The following NFE2L2 variants were observed in gnomAD, a reference collection of about 807,000 sequenced individuals.
NFE2L2 encodes the protein nuclear factor erythroid 2-related factor 2.
In NFE2L2, 20 loss-of-function variants were observed where a neutral mutation model predicts 49.6. The observed-to-expected ratio is 0.40, with a 90% CI of 0.28 to 0.59. The LOEUF is 0.59. Ranked by LOEUF, NFE2L2 falls within the 20% of genes least tolerant of loss-of-function variation. The pLI is 0.40. For synonymous variants in NFE2L2, 244 were observed against 256.5 expected (o/e 0.95, Z 0.47); for missense variants, 578 against 714.2 (o/e 0.81, Z 2.17).
intron 1 of NFE2L2, among the ~76,000 whole-genome samples, chr2:177,237,485 G>C (rs1689789813): frequency 6.6e-6 from 1 of 152,164 alleles, no homozygotes; most frequent in South Asian, 2.1e-4. Context: ...GTTATCATGG[G>C]AGACAGAAAA....
intron 1 of NFE2L2, among the ~76,000 whole-genome samples, chr2:177,246,235 G>A (rs1690123810): frequency 6.6e-6 from 1 of 152,134 alleles, no homozygotes; most frequent in Non-Finnish European, 1.5e-5. Flanking sequence ...TTGAAATCAG[G>A]ACAACTCCCT....
At chr2:177,262,508 A>G (rs1235403455) in intron 1 of NFE2L2, among the ~76,000 whole-genome samples, 1 of 152,260 alleles carries the variant, frequency 6.6e-6, no homozygotes, top group Non-Finnish European at 1.5e-5. Flanking sequence ...GACTCTGTTC[A>G]AATCTTTATG....
intron 1 of NFE2L2, among the ~76,000 whole-genome samples, chr2:177,239,301 C>G (rs1198031203): frequency 6.6e-6 from 1 of 152,114 alleles, no homozygotes; most frequent in African/African-American, 2.4e-5. Context: ...CTTCATTAGG[C>G]TGGGGGACAT....
intron 2 of NFE2L2, chr2:177,233,732 C>G: frequency 3.7e-6 from 2 of 547,612 alleles, no homozygotes; most frequent in South Asian, 4.7e-5. Context: ...GTTGCTGCTA[C>G]TTGATCCTTA....
chr2:177,254,638 C>T lies in NFE2L2; in HGVS notation c.45+9894G>A, dbSNP rs140110914. On this transcript the variant is annotated intron_variant, in intron 1 of 4. Transcript: ENST00000397062. Reference sequence around the variant, plus strand: ...ATGCGTCAACAGCGCCCCCACTGGTCCACATGGAAGGAACTCCTTAAGTAG... The same window carrying T: ...ATGCGTCAACAGCGCCCCCACTGGTTCACATGGAAGGAACTCCTTAAGTAG... Among the ~76,000 whole-genome samples the T allele has an allele frequency of 1.8e-3, 269 of 152,288 alleles. 6 individuals carry two copies. In the East Asian group the frequency reaches 0.037, roughly 21 times the overall value.
In NFE2L2 at chr2:177,233,282, C is replaced by T; in HGVS notation, c.370G>A (p.Ala124Thr). Residue 124 changes from alanine (A) to threonine (T), a missense_variant, in exon 3 of 5, where the codon GCG (alanine) becomes ACG (threonine). Ala to Thr is a moderately conservative substitution (Grantham distance 58, BLOSUM62 0). Transcript: ENST00000397062. Reference sequence around the variant, plus strand: ...TCATCTACAAACGGGAATGTCTGCGCCAAAAGCTGCATGCAGTCATCAAAG... The same window carrying T: ...TCATCTACAAACGGGAATGTCTGCGTCAAAAGCTGCATGCAGTCATCAAAG... ...LYFDDCMQLL[A>T]QTFPFVDDNE... is the part of the protein sequence containing the mutation. 1.2e-6 allele frequency: 2 copies of T among 1,601,700 alleles called. No homozygotes were observed. The highest frequency in any genetic ancestry group is 1.1e-5 in the South Asian group (1 of 88,302).
chr2:177,257,447 T>C (rs529783292), intron 1 of NFE2L2, among the ~76,000 whole-genome samples: 2 of 152,342 alleles, frequency 1.3e-5, no homozygotes, highest in Non-Finnish European at 2.9e-5. Context: ...TATATATATT[T>C]AGTGAGTTTC....
At chr2:177,232,288 C>T (rs1236921887) in intron 4 of NFE2L2, 104 bp downstream of exon 4, 2 of 1,167,250 alleles carry the variant, frequency 1.7e-6, no homozygotes, top group South Asian at 1.6e-5. Context: ...AAGTTAATAG[C>T]ACCCTCCAAT....
At chr2:177,252,836 T>G (rs1293565051) in intron 1 of NFE2L2, among the ~76,000 whole-genome samples, 2 of 151,906 alleles carry the variant, frequency 1.3e-5, no homozygotes, top group African/African-American at 2.4e-5. Context: ...GTCACAACAA[T>G]GCTCAGACCT....
At chr2:177,262,071 A>C (rs1191505938) in intron 1 of NFE2L2, among the ~76,000 whole-genome samples, 4 of 152,246 alleles carry the variant, frequency 2.6e-5, no homozygotes, top group Non-Finnish European at 4.4e-5. Flanking sequence ...AAAGATTTCA[A>C]AATGGCCCAA....
chr2:177,261,312 A>G (rs1232619661), intron 1 of NFE2L2, among the ~76,000 whole-genome samples: 1 of 152,100 alleles, frequency 6.6e-6, no homozygotes, highest in African/African-American at 2.4e-5. Flanking sequence ...AACAAGGTCC[A>G]CCTCCCCACG....
intron 1 of NFE2L2, among the ~76,000 whole-genome samples, chr2:177,246,064 C>A (rs1346595177): frequency 6.6e-6 from 1 of 152,208 alleles, no homozygotes; most frequent in Non-Finnish European, 1.5e-5. Context: ...GGTGTTCACA[C>A]CACAACAGAC....
chr2:177,251,494 C>T (rs1165069414), intron 1 of NFE2L2, among the ~76,000 whole-genome samples: 1 of 152,100 alleles, frequency 6.6e-6, no homozygotes, highest in Non-Finnish European at 1.5e-5. Flanking sequence ...ACAAGGAATC[C>T]AGCAGACAGG....
Position 177,258,633 on chromosome 2 carries a change from A to G in NFE2L2, c.45+5899T>C, listed in dbSNP as rs115138774. On this transcript the variant is annotated intron_variant, in intron 1 of 4. Coordinates refer to ENST00000397062, the MANE Select transcript of NFE2L2 (RefSeq NM_006164.5). ...TTGTATCTTACTTTAAAATACATATATATCTATAAATTCTATCTACTATAG... is the reference window on the plus strand; with the variant it reads ...TTGTATCTTACTTTAAAATACATATGTATCTATAAATTCTATCTACTATAG... 2.3e-3 allele frequency among the ~76,000 whole-genome samples: 351 copies of G among 152,336 alleles called. 3 individuals are homozygous for G. The highest frequency in any genetic ancestry group is 8.1e-3 in the African/African-American group (338 of 41,572).
At chr2:177,243,880 G>A (rs915021872) in intron 1 of NFE2L2, among the ~76,000 whole-genome samples, 2 of 151,998 alleles carry the variant, frequency 1.3e-5, no homozygotes, top group African/African-American at 4.8e-5. Flanking sequence ...AGGCTTGGGG[G>A]CTAAGTAAGT....
chr2:177,253,008 T>C (rs1416685007), intron 1 of NFE2L2, among the ~76,000 whole-genome samples: 1 of 152,324 alleles, frequency 6.6e-6, no homozygotes, highest in South Asian at 2.1e-4. Flanking sequence ...CTTGAAACAG[T>C]GCACATGAGC....
chr2:177,246,313 T>C (rs1269388407), intron 1 of NFE2L2, among the ~76,000 whole-genome samples: 3 of 152,234 alleles, frequency 2.0e-5, no homozygotes, highest in Non-Finnish European at 4.4e-5. Flanking sequence ...ATACTTTGTA[T>C]GTCTTACAGG....
chr2:177,244,529 G>A (rs1690056722), intron 1 of NFE2L2, among the ~76,000 whole-genome samples: 1 of 152,150 alleles, frequency 6.6e-6, no homozygotes, highest in Non-Finnish European at 1.5e-5. Flanking sequence ...GCATGGAGGA[G>A]GTGCCACTAA....
rs770501791 is a variant in NFE2L2, at chr2:177,234,227, A to C, written c.90T>G (p.Leu30=). ...IDILWRQDID[L]GVSREVFDFS... ...AGTCAAATACTTCTCGACTTACTCC[A>C]AGATCTATATCTTGCCTCCAAAGTA... The change falls in exon 2 of 5, where the codon CTT becomes CTG. Residue 30 remains leucine, a synonymous_variant. Transcript: ENST00000397062. 2 of 1,613,700 alleles carry C rather than the reference A, an allele frequency of 1.2e-6. No individual in the cohort carries two copies. Among genetic ancestry groups the C allele is most frequent in the Admixed American group, 1.7e-5 (1 of 59,960 alleles).
Sources: gnomAD v4.1 joint callset for allele counts (sites outside exome capture counted in the v4.1 genomes callset) on GRCh38, gnomAD v4.1.1 for gene constraint, MANE v1.5 for transcripts, NCBI Gene and HGNC (gene_info 2026-07-23, HGNC 2026-07-21) for gene names.